Variants in UBE2E2 observed in about 807,000 individuals in gnomAD.
UBE2E2 encodes ubiquitin conjugating enzyme E2 E2.
UBE2E2 carries 6 observed loss-of-function variants against 24.7 expected under a neutral mutation model. The observed-to-expected ratio is 0.24, with a 90% CI of 0.13 to 0.48. The LOEUF is 0.48. Ranked by LOEUF, UBE2E2 falls within the 20% of genes least tolerant of loss-of-function variation. UBE2E2 has a pLI of 0.99. For missense variants in UBE2E2, 169 were observed against 245.0 expected, an observed-to-expected ratio of 0.69 and a Z score of 2.07; for synonymous variants, 104 against 83.6, an observed-to-expected ratio of 1.24 and a Z score of -1.33.
intron 3 of UBE2E2, among the ~76,000 whole-genome samples, chr3:23,472,053 A>G (rs1225204958): frequency 1.3e-5 from 2 of 152,230 alleles, no homozygotes; most frequent in Non-Finnish European, 2.9e-5. Flanking sequence ...CACAAAATAG[A>G]TTAAAACTAT....
Position 23,350,486 on chromosome 3 carries a change from G to T in UBE2E2, c.227+133174G>T, listed in dbSNP as rs545504224. Among the ~76,000 whole-genome samples the T allele has an allele frequency of 5.3e-5, 8 of 152,168 alleles. No homozygotes were observed. The South Asian group carries it at 1.5e-3, about 28-fold the overall frequency. On this transcript the variant is annotated intron_variant, in intron 3 of 5. Transcript: ENST00000396703. Reference sequence around the variant, plus strand: ...CAAAGGCAAAGAAGTAAAAAACTTTGAAAAAAATTTAGACGAATGTATAAC... The same window carrying T: ...CAAAGGCAAAGAAGTAAAAAACTTTTAAAAAAATTTAGACGAATGTATAAC...
rs78028191 is a variant in UBE2E2 at position 23,572,534 on chromosome 3, G to A, written c.509-17200G>A. On this transcript the variant is annotated intron_variant, in intron 5 of 5. Transcript: ENST00000396703. ...TTTCTCAGCCCTTGCCCCCTTCCCC[G>A]ACTCTCACTCTCCTTTTGAAGTCCT... is the stretch of plus-strand genomic sequence containing the variant. 3.2e-3 allele frequency among the ~76,000 whole-genome samples: 492 copies of A among 152,170 alleles called. 2 individuals are homozygous for A. Among genetic ancestry groups the A allele is most frequent in the South Asian group, 0.018 (89 of 4,824 alleles).
At chr3:23,427,411 A>T (rs1697952367) in intron 3 of UBE2E2, among the ~76,000 whole-genome samples, 1 of 152,178 alleles carries the variant, frequency 6.6e-6, no homozygotes, top group South Asian at 2.1e-4. Flanking sequence ...ACCTAAAAAA[A>T]AGTATAACTG....
intron 3 of UBE2E2, among the ~76,000 whole-genome samples, chr3:23,482,542 T>C (rs1695203): frequency 0.28 from 42,785 of 152,004 alleles, 6,347 homozygotes; most frequent in African/African-American, 0.38. Flanking sequence ...ACGCTGTTCT[T>C]GACTCCCTTT....
chr3:23,354,782 G>C lies in UBE2E2; in HGVS notation c.227+137470G>C, dbSNP rs570836039. On this transcript the variant is annotated intron_variant, in intron 3 of 5. Transcript: ENST00000396703. ...AGGAACACTTTTACACTGTTGGTGG[G>C]AATGTAAACTAGTTCAACCATTGTG... is the stretch of plus-strand genomic sequence containing the variant. Among the ~76,000 whole-genome samples, 126 of 152,338 alleles carry C rather than the reference G, an allele frequency of 8.3e-4. 2 individuals carry two copies. In the South Asian group the frequency reaches 0.025, roughly 30 times the overall value.
At chr3:23,428,064 T>G (rs1023333433) in intron 3 of UBE2E2, among the ~76,000 whole-genome samples, 32 of 152,288 alleles carry the variant, frequency 2.1e-4, no homozygotes, top group African/African-American at 7.2e-4. Context: ...CATCAGTCAG[T>G]TGAATATAAT....
intron 3 of UBE2E2, among the ~76,000 whole-genome samples, chr3:23,485,125 C>T (rs377552149): frequency 2.4e-5 from 3 of 126,988 alleles, no homozygotes; most frequent in Non-Finnish European, 3.1e-5. Context: ...GATGGAGTCT[C>T]GTTCTGTGAC....
chr3:23,392,766 G>A (rs568466650), intron 3 of UBE2E2, among the ~76,000 whole-genome samples: 1 of 152,268 alleles, frequency 6.6e-6, no homozygotes, highest in East Asian at 1.9e-4. Context: ...CACGTTAAGA[G>A]GTTCTGGGCT....
intron 3 of UBE2E2, among the ~76,000 whole-genome samples, chr3:23,484,049 A>C (rs1699311318): frequency 6.6e-6 from 1 of 152,168 alleles, no homozygotes; most frequent in Non-Finnish European, 1.5e-5. Context: ...GGTTCTCCAG[A>C]GTACTTTTGC....
intron 3 of UBE2E2, among the ~76,000 whole-genome samples, chr3:23,305,012 A>G (rs1240346250): frequency 6.6e-6 from 1 of 152,206 alleles, no homozygotes; most frequent in Non-Finnish European, 1.5e-5. Flanking sequence ...TCATTATGTG[A>G]TATCAAAAAG....
chr3:23,565,076 C>T (rs1476726185), intron 5 of UBE2E2, among the ~76,000 whole-genome samples: 1 of 151,786 alleles, frequency 6.6e-6, no homozygotes, highest in East Asian at 1.9e-4. Context: ...AAACAATATA[C>T]ACACACACAC....
intron 3 of UBE2E2, among the ~76,000 whole-genome samples, chr3:23,471,644 T>C (rs1176850270): frequency 6.6e-6 from 1 of 152,130 alleles, no homozygotes; most frequent in Admixed American, 6.5e-5. Flanking sequence ...GCTAAAGCAG[T>C]CTGGGCCTTA....
intron 3 of UBE2E2, among the ~76,000 whole-genome samples, chr3:23,286,479 G>C (rs1228245868): frequency 6.6e-6 from 1 of 151,912 alleles, no homozygotes; most frequent in African/African-American, 2.4e-5. Context: ...ATTTGTTTCT[G>C]GATTCTCTAT....
chr3:23,272,722 T>C (rs1258795823), intron 3 of UBE2E2, among the ~76,000 whole-genome samples: 1 of 152,160 alleles, frequency 6.6e-6, no homozygotes, highest in African/African-American at 2.4e-5. Flanking sequence ...CATGCAATTA[T>C]GGAGACCAAG....
intron 3 of UBE2E2, among the ~76,000 whole-genome samples, chr3:23,301,322 G>T (rs1050121312): frequency 1.3e-5 from 2 of 152,150 alleles, no homozygotes; most frequent in Non-Finnish European, 2.9e-5. Flanking sequence ...TTCTGTTGCT[G>T]GTGAGGAGCT....
intron 3 of UBE2E2, among the ~76,000 whole-genome samples, chr3:23,224,913 A>T (rs1696776089): frequency 6.7e-6 from 1 of 148,720 alleles, no homozygotes; most frequent in African/African-American, 2.5e-5. Context: ...CCAGCAGTGT[A>T]TGAGGGCCCA....
chr3:23,439,622 G>A (rs6808513), intron 3 of UBE2E2, among the ~76,000 whole-genome samples: 83,489 of 152,072 alleles, frequency 0.55, 23,269 homozygotes, highest in East Asian at 0.72. Flanking sequence ...ACTTTCTCCA[G>A]CTTGTCCTTG....
chr3:23,526,018 T>TA (rs1318747394), intron 4 of UBE2E2, among the ~76,000 whole-genome samples: 1 of 152,218 alleles, frequency 6.6e-6, no homozygotes, highest in Non-Finnish European at 1.5e-5. Flanking sequence ...TCATTTTCCC[T>TA]AGTTTGTTGA....
At chr3:23,535,965 G>A (rs2125488674) in intron 5 of UBE2E2, among the ~76,000 whole-genome samples, 1 of 152,254 alleles carries the variant, frequency 6.6e-6, no homozygotes, top group Admixed American at 6.5e-5. Context: ...TCTGAGTTTA[G>A]TCTTGCTTAC....
Sources: gnomAD v4.1 joint callset for allele counts (sites outside exome capture counted in the v4.1 genomes callset) on GRCh38, gnomAD v4.1.1 for gene constraint, MANE v1.5 for transcripts, NCBI Gene and HGNC (gene_info 2026-07-23, HGNC 2026-07-21) for gene names.